The following IL1RAPL2 variants were observed in gnomAD, a reference collection of about 807,000 sequenced individuals.
The protein encoded by IL1RAPL2 is X-linked interleukin-1 receptor accessory protein-like 2.
In IL1RAPL2, 3 loss-of-function variants were observed where a neutral mutation model predicts 44.1. The ratio of observed to expected loss-of-function variants is 0.07; its 90% confidence interval spans 0.03 to 0.18. IL1RAPL2 has a LOEUF of 0.18. Among genes scored for constraint, IL1RAPL2 ranks in the 10% least tolerant of loss-of-function variants. The pLI, the probability that IL1RAPL2 is intolerant of heterozygous loss-of-function variation, is 1.00. For missense variants in IL1RAPL2, 391 were observed against 496.4 expected (o/e 0.79, Z 2.02); for synonymous variants, 181 against 178.8 (o/e 1.01, Z -0.10).
intron 2 of IL1RAPL2, among the ~76,000 whole-genome samples, chrX:104,908,221 G>T (rs1307053317): frequency 8.9e-6 from 1 of 111,740 alleles, no homozygotes; most frequent in Non-Finnish European, 1.9e-5. Context: ...TGGGTTTCCT[G>T]AATACAGCAC....
chrX:104,792,167 C>T (rs1236057083), intron 2 of IL1RAPL2, among the ~76,000 whole-genome samples: 2 of 110,813 alleles, frequency 1.8e-5, no homozygotes, highest in African/African-American at 3.3e-5. Flanking sequence ...AGGGACTAGC[C>T]TAACAGAAAG....
rs1448715047 is a variant in IL1RAPL2 at position 105,393,371 on chromosome X, A to T, written c.698-90942A>T. 2.7e-5 allele frequency among the ~76,000 whole-genome samples: 3 copies of T among 111,217 alleles called. No individual in the cohort carries two copies. In the East Asian group the frequency reaches 8.5e-4, roughly 31 times the overall value. Reference sequence around the variant, plus strand: ...TGAAAAATATTTCAGAAGACCCATGATAGGTTCTACAAAAGTGATATTATC... The same window carrying T: ...TGAAAAATATTTCAGAAGACCCATGTTAGGTTCTACAAAAGTGATATTATC... On this transcript the variant is annotated intron_variant, in intron 5 of 10. Coordinates refer to ENST00000372582, the MANE Select transcript of IL1RAPL2 (RefSeq NM_017416.2).
intron 5 of IL1RAPL2, among the ~76,000 whole-genome samples, chrX:105,363,288 TAA>T (rs1491209022): frequency 1.5e-4 from 11 of 71,199 alleles, no homozygotes; most frequent in East Asian, 3.3e-4. Context: ...TATATATATA[TAA>T]TATATATATA....
At chrX:105,100,642 T>C (rs1176026038) in intron 2 of IL1RAPL2, among the ~76,000 whole-genome samples, 2 of 111,882 alleles carry the variant, frequency 1.8e-5, no homozygotes, top group South Asian at 7.5e-4. Context: ...GTTAGTGAAC[T>C]CCAGAGGTGG....
At chrX:105,745,421 A>G (rs2038532633) in intron 8 of IL1RAPL2, among the ~76,000 whole-genome samples, 1 of 111,965 alleles carries the variant, frequency 8.9e-6, no homozygotes, top group Non-Finnish European at 1.9e-5. Flanking sequence ...GGCTGCTATA[A>G]CAAGATACCT....
At chrX:105,366,242 C>T (rs1038106505) in intron 5 of IL1RAPL2, among the ~76,000 whole-genome samples, 4 of 111,195 alleles carry the variant, frequency 3.6e-5, no homozygotes, top group Admixed American at 9.6e-5. Flanking sequence ...TCAGTGTGCC[C>T]GGCCTGTGTC....
chrX:104,715,677 T>A (rs189501946), intron 2 of IL1RAPL2, among the ~76,000 whole-genome samples: 55 of 63,272 alleles, frequency 8.7e-4, no homozygotes, highest in Non-Finnish European at 1.2e-3. Context: ...TATTCACAAT[T>A]GCTAAAAAAA....
intron 2 of IL1RAPL2, among the ~76,000 whole-genome samples, chrX:104,721,862 G>A (rs1373047629): frequency 1.8e-5 from 2 of 111,358 alleles, no homozygotes; most frequent in Admixed American, 1.9e-4. Flanking sequence ...ACACAGATAG[G>A]TTTGAAATTC....
At chrX:105,555,595 C>T (rs1272791730) in intron 6 of IL1RAPL2, among the ~76,000 whole-genome samples, 2 of 111,777 alleles carry the variant, frequency 1.8e-5, no homozygotes, top group Admixed American at 1.9e-4. Flanking sequence ...AATCTAGTTT[C>T]TTAGCAGTCT....
At chrX:105,042,682 G>A in intron 2 of IL1RAPL2, among the ~76,000 whole-genome samples, 1 of 103,081 alleles carries the variant, frequency 9.7e-6, no homozygotes, top group Non-Finnish European at 2.0e-5. Context: ...ATTCCTCAGG[G>A]ATCTAGAACT....
At chrX:104,906,331 C>T (rs1358843699) in intron 2 of IL1RAPL2, among the ~76,000 whole-genome samples, 2 of 110,315 alleles carry the variant, frequency 1.8e-5, no homozygotes, top group African/African-American at 6.6e-5. Context: ...GCCAGAACTT[C>T]CAACACTATG....
chrX:105,607,111 T>C (rs1466332767), intron 6 of IL1RAPL2, among the ~76,000 whole-genome samples: 1 of 111,471 alleles, frequency 9.0e-6, no homozygotes, highest in East Asian at 2.8e-4. Flanking sequence ...GATTTGATCA[T>C]TGCACATTGT....
intron 2 of IL1RAPL2, among the ~76,000 whole-genome samples, chrX:104,670,248 G>A (rs1170182204): frequency 9.0e-6 from 1 of 111,454 alleles, no homozygotes; most frequent in East Asian, 2.8e-4. Flanking sequence ...CAAATCACTG[G>A]TGTAAGTCCA....
At chrX:104,787,403 A>G (rs1932804866) in intron 2 of IL1RAPL2, among the ~76,000 whole-genome samples, 1 of 111,244 alleles carries the variant, frequency 9.0e-6, no homozygotes, top group African/African-American at 3.3e-5. Flanking sequence ...TAATGGGCTA[A>G]GTCTTTACTT....
chrX:105,056,318 A>G (rs920722281), intron 2 of IL1RAPL2, among the ~76,000 whole-genome samples: 3 of 111,862 alleles, frequency 2.7e-5, no homozygotes, highest in Admixed American at 1.9e-4. Context: ...TTCCATTTCA[A>G]TGCACCTCTG....
intron 4 of IL1RAPL2, among the ~76,000 whole-genome samples, chrX:105,243,607 T>TA (rs1569412080): frequency 2.9e-5 from 3 of 101,696 alleles, no homozygotes; most frequent in East Asian, 6.0e-4. Context: ...ATATATATAT[T>TA]TTTTTTTTAC....
chrX:105,046,897 A>G (rs1456967304), intron 2 of IL1RAPL2, among the ~76,000 whole-genome samples: 3 of 96,143 alleles, frequency 3.1e-5, no homozygotes, highest in East Asian at 3.3e-4. Context: ...GCATTTCTCT[A>G]TCTCCCTTGT....
At chrX:105,534,400 A>G (rs1322031394) in intron 6 of IL1RAPL2, among the ~76,000 whole-genome samples, 3 of 112,006 alleles carry the variant, frequency 2.7e-5, no homozygotes, top group African/African-American at 9.7e-5. Context: ...GTATTATTGT[A>G]TTGTTTAAGA....
intron 2 of IL1RAPL2, among the ~76,000 whole-genome samples, chrX:104,818,295 G>A (rs1347860575): frequency 1.1e-5 from 1 of 94,454 alleles, no homozygotes; most frequent in African/African-American, 4.2e-5. Context: ...AGTGAGCCAA[G>A]ATCGCGCCAC....
Sources: allele counts gnomAD v4.1 joint callset (sites outside exome capture counted in the v4.1 genomes callset), GRCh38; gene constraint gnomAD v4.1.1; transcripts MANE v1.5; gene names NCBI Gene and HGNC (gene_info 2026-07-23, HGNC 2026-07-21).